Variants in PMM1 observed in about 807,000 individuals in gnomAD.
The protein encoded by PMM1 is brain glucose-1,6-bisphosphatase.
PMM1 carries 25 observed loss-of-function variants against 34.0 expected under a neutral mutation model. That is an observed-to-expected ratio of 0.73 (90% CI 0.54 to 1.03). The LOEUF (loss-of-function observed/expected upper bound fraction) is 1.03. Ranked by LOEUF, PMM1 falls within the 50% of genes least tolerant of loss-of-function variation. The probability of loss-of-function intolerance (pLI) is 0.00; values close to 1 mark genes in which losing one functional copy is unlikely to be tolerated. For missense variants in PMM1, 321 were observed against 350.1 expected (o/e 0.92, Z 0.66); for synonymous variants, 134 against 143.9 (o/e 0.93, Z 0.49).
intron 2 of PMM1, among the ~76,000 whole-genome samples, chr22:41,585,754 A>T (rs547496996): frequency 6.6e-6 from 1 of 152,126 alleles, no homozygotes; most frequent in Non-Finnish European, 1.5e-5. Context: ...CGGCCTCCCA[A>T]AGTGCTGGGA....
At chr22:41,589,679 T>G (rs1197607005) in intron 1 of PMM1, 40 bp downstream of exon 1, 2 of 1,536,390 alleles carry the variant, frequency 1.3e-6, no homozygotes, top group Non-Finnish European at 1.8e-6. Context: ...GGTGTCCGCG[T>G]GACACTCCCG....
At chr22:41,578,477 G>A (rs541564131) in intron 6 of PMM1, among the ~76,000 whole-genome samples, 4 of 152,152 alleles carry the variant, frequency 2.6e-5, no homozygotes, top group Admixed American at 6.5e-5. Context: ...TGTGAGCACC[G>A]GTGGGATTCC....
At chr22:41,588,847 G>A (rs2067344470) in intron 1 of PMM1, 2 of 985,332 alleles carry the variant, frequency 2.0e-6, no homozygotes, top group Admixed American at 1.2e-4. Flanking sequence ...CACGCTAGGA[G>A]ACCTGTTGGT....
chr22:41,578,889 G>C lies in PMM1; in HGVS notation c.475-8C>G, dbSNP rs2067208123. On this transcript the variant is annotated splice_region_variant and splice_polypyrimidine_tract_variant and intron_variant, in intron 5 of 7. Transcript: ENST00000216259. ...CTCCCGGATCTTCTCTTTCTGCAGA[G>C]GGGAGGGAGCGGATGGCAGCTCAGA... is the stretch of plus-strand genomic sequence containing the variant. The C allele has an allele frequency of 6.2e-7, 1 of 1,613,604 alleles. No individual in the cohort carries two copies. Among genetic ancestry groups the C allele is most frequent in the Middle Eastern group, 1.7e-4 (1 of 6,052 alleles).
chr22:41,584,073 G>A lies in PMM1; in HGVS notation c.375-15C>T. 6.3e-7 allele frequency: 1 copy of A among 1,593,888 alleles called. No individual in the cohort carries two copies. The highest frequency in any genetic ancestry group is 8.6e-7 in the Non-Finnish European group (1 of 1,161,804). On this transcript the variant is annotated splice_polypyrimidine_tract_variant and intron_variant, in intron 4 of 7. Transcript: ENST00000216259. ...TGAAGGTTCCACTGGTGGTGAGGGA[G>A]GGCGGGGAGCCAGAGAGAACCAGAA...
chr22:41,578,054 C>T (rs1417852392), intron 6 of PMM1, 131 bp from the exon 7 acceptor site: 1 of 658,306 alleles, frequency 1.5e-6, no homozygotes, highest in Non-Finnish European at 2.7e-6. Flanking sequence ...GGACACGGGA[C>T]AGACTTAGGA....
chr22:41,581,547 G>C (rs2067247405), intron 5 of PMM1, among the ~76,000 whole-genome samples: 2 of 152,160 alleles, frequency 1.3e-5, no homozygotes, highest in South Asian at 4.1e-4. Flanking sequence ...AGATAATACA[G>C]CTCATTTCAT....
At position 41,577,459 on chromosome 22, in the gene PMM1, C is replaced by A; in HGVS notation, c.667-19G>T. The A allele has an allele frequency of 6.2e-7, 1 of 1,604,792 alleles. No homozygotes were observed. Among genetic ancestry groups the A allele is most frequent in the Non-Finnish European group, 8.5e-7 (1 of 1,177,836 alleles). On this transcript the variant is annotated intron_variant, in intron 7 of 7. Transcript: ENST00000216259. ...TCCCACCCTGCACACAGAGGATGGG[C>A]AGAGGAGGGATATTTAGGTGGAGTC...
Position 41,586,544 on chromosome 22 carries a change from C to T in PMM1, c.88-351G>A, listed in dbSNP as rs1167615032. 3 of 216,932 alleles carry T rather than the reference C, an allele frequency of 1.4e-5. No homozygotes were observed. In the Admixed American group the frequency reaches 1.8e-4, roughly 13 times the overall value. 13.4% of individuals were successfully genotyped at this position (216,932 alleles called of 1,614,324 possible). On this transcript the variant is annotated intron_variant, in intron 1 of 7. Coordinates refer to ENST00000216259, the MANE Select transcript of PMM1 (RefSeq NM_002676.3). ...TGGTGTGATTCTGGCTCACTGAAAC[C>T]TCTGCCCAGGCTGGAGTGCGATGGC...
intron 5 of PMM1, 30 bp downstream of exon 5, chr22:41,583,929 A>T: frequency 7.6e-7 from 1 of 1,323,668 alleles, no homozygotes; most frequent in Non-Finnish European, 1.1e-6. Flanking sequence ...CTGAGGCCCT[A>T]CAGGCCTAAG....
chr22:41,585,951 G>A, intron 2 of PMM1, 125 bp downstream of exon 2: 2 of 748,266 alleles, frequency 2.7e-6, no homozygotes, highest in Non-Finnish European at 4.4e-6. Context: ...TGTCAAATCA[G>A]TAAGGGAACT....
At chr22:41,583,903 C>T (rs2067274919) in intron 5 of PMM1, 56 bp downstream of exon 5, 1 of 1,056,662 alleles carries the variant, frequency 9.5e-7, no homozygotes, top group Non-Finnish European at 1.5e-6. Context: ...AATAAAGGCT[C>T]AGATAAATTG....
At chr22:41,583,118 C>T (rs552863993) in intron 5 of PMM1, among the ~76,000 whole-genome samples, 9 of 145,410 alleles carry the variant, frequency 6.2e-5, no homozygotes, top group Non-Finnish European at 1.3e-4. Flanking sequence ...CAGTTGGCAA[C>T]GAGGAGCCAA....
chr22:41,589,464 C>A, intron 1 of PMM1: 1 of 577,136 alleles, frequency 1.7e-6, no homozygotes, highest in Non-Finnish European at 3.1e-6. Context: ...TGCTCGCAGC[C>A]TCCTCCCTCC....
chr22:41,577,333 T>C lies in PMM1; in HGVS notation c.774A>G (p.Thr258=), dbSNP rs2067184908. Reference sequence around the variant, plus strand: ...TGGGCCCCGGTCACGCCTCATGAGCTGTCTCTGGGAAGAAAATCTCCCGGC... The same window carrying C: ...TGGGCCCCGGTCACGCCTCATGAGCCGTCTCTGGGAAGAAAATCTCCCGGC... The part of the protein sequence containing the change: ...QRCREIFFPE[T]AHEA The change falls in exon 8 of 8, where the codon ACA becomes ACG. Residue 258 remains threonine, a synonymous_variant. Coordinates refer to ENST00000216259, the MANE Select transcript of PMM1 (RefSeq NM_002676.3). The C allele has an allele frequency of 1.2e-6, 2 of 1,612,908 alleles. No individual in the cohort carries two copies. Among genetic ancestry groups the C allele is most frequent in the African/African-American group, 1.3e-5 (1 of 74,924 alleles).
rs147562975 is a variant in PMM1 at position 41,583,004 on chromosome 22, A to G, written c.474+955T>C. Among the ~76,000 whole-genome samples the G allele has an allele frequency of 3.7e-3, 564 of 152,238 alleles. 2 individuals carry two copies. The highest frequency in any genetic ancestry group is 5.4e-3 in the Non-Finnish European group (370 of 68,010). ...GAGAGGACCTTGGTGTGTTCCAGGA[A>G]TAGAAAGTGGAACTTGAAGGGCATA... On this transcript the variant is annotated intron_variant, in intron 5 of 7. Coordinates refer to ENST00000216259, the MANE Select transcript of PMM1 (RefSeq NM_002676.3).
chr22:41,587,646 A>T lies in PMM1; in HGVS notation c.88-1453T>A, dbSNP rs190753867. ...CTAACAACAACAACAACAAAATAGCATCACAATCAAGTTGATTTTTGAGGA... is the reference window on the plus strand; with the variant it reads ...CTAACAACAACAACAACAAAATAGCTTCACAATCAAGTTGATTTTTGAGGA... On this transcript the variant is annotated intron_variant, in intron 1 of 7. Transcript: ENST00000216259. 5.0e-4 allele frequency among the ~76,000 whole-genome samples: 76 copies of T among 152,248 alleles called. 1 individual carries two copies. Among genetic ancestry groups the T allele is most frequent in the Middle Eastern group, 6.8e-3 (2 of 294 alleles).
At chr22:41,588,692 C>A in intron 1 of PMM1, 1 of 985,488 alleles carries the variant, frequency 1.0e-6, no homozygotes, top group Non-Finnish European at 1.2e-6. Flanking sequence ...CCTCCCGGAT[C>A]CACCCCTGCA....
At position 41,576,974 on chromosome 22, in the gene PMM1, G is replaced by GGGCA. The variant is rs1190154646; in HGVS notation, c.*340_*343dup. ...CTTCCCCACCGTACCTCATCGCCCA[G>GGGCA]GGCAGGCAGGCAGGGCAGGCTAGAT... On this transcript the variant is annotated 3_prime_UTR_variant, in exon 8 of 8. Coordinates refer to ENST00000216259, the MANE Select transcript of PMM1 (RefSeq NM_002676.3). 2.9e-5 allele frequency: 11 copies of GGGCA among 385,606 alleles called. No individual in the cohort carries two copies. The East Asian group carries it at 4.2e-4, about 15-fold the overall frequency. 23.9% of individuals were successfully genotyped at this position (385,606 alleles called of 1,614,324 possible).
Sources: allele counts gnomAD v4.1 joint callset (sites outside exome capture counted in the v4.1 genomes callset), GRCh38; gene constraint gnomAD v4.1.1; transcripts MANE v1.5; gene names NCBI Gene and HGNC (gene_info 2026-07-23, HGNC 2026-07-21).